Variants in ZNF44 observed in about 807,000 individuals in gnomAD.
ZNF44 encodes gonadotropin inducible transcription repressor-2.
ZNF44 carries 9 observed loss-of-function variants against 11.7 expected under a neutral mutation model. The ratio of observed to expected loss-of-function variants is 0.77; its 90% CI spans 0.46 to 1.35. ZNF44 has a LOEUF of 1.35. ZNF44 is among the 40% of genes most tolerant of loss of function. ZNF44 has a pLI of 0.00. For missense variants in ZNF44, 696 were observed against 743.1 expected (o/e 0.94, Z 0.74); for synonymous variants, 224 against 242.7 (o/e 0.92, Z 0.72).
intron 1 of ZNF44, chr19:12,293,185 T>C: frequency 6.6e-7 from 1 of 1,520,240 alleles, no homozygotes; most frequent in Non-Finnish European, 8.8e-7. Context: ...GTTAGCTTTT[T>C]ACAGGAATGA....
At chr19:12,294,600 T>G (rs1968167661) in intron 1 of ZNF44, 92 bp downstream of exon 1, 12 of 1,507,902 alleles carry the variant, frequency 8.0e-6, no homozygotes, top group Non-Finnish European at 1.1e-5. Flanking sequence ...CCAAAGACGC[T>G]GCGGCGAGGC....
intron 3 of ZNF44, among the ~76,000 whole-genome samples, chr19:12,230,232 A>T (rs549087823): frequency 6.6e-6 from 1 of 152,328 alleles, no homozygotes; most frequent in African/African-American, 2.4e-5. Flanking sequence ...TTTGGCACCC[A>T]TGTGGACTGG....
At chr19:12,293,367 A>T in intron 1 of ZNF44, 28 of 1,536,420 alleles carry the variant, frequency 1.8e-5, no homozygotes, top group Non-Finnish European at 2.4e-5. Context: ...AAGTTCCATA[A>T]CACAGGGCCT....
rs149525889 is a variant in ZNF44 at position 12,266,586 on chromosome 19, C to T, written c.1912+5901G>A. ...CACAGTGCAGAGAGGAGAGGTAAGGCAAGCGCCTGAGAGGGGCCAGAATGA... is the reference window on the plus strand; with the variant it reads ...CACAGTGCAGAGAGGAGAGGTAAGGTAAGCGCCTGAGAGGGGCCAGAATGA... On this transcript the variant is annotated intron_variant and NMD_transcript_variant, in intron 5 of 7. Transcript: ENST00000393337. Among the ~76,000 whole-genome samples, 627 of 152,268 alleles carry T rather than the reference C, an allele frequency of 4.1e-3. 1 individual carries two copies. Among genetic ancestry groups the T allele is most frequent in the Middle Eastern group, 0.01 (3 of 294 alleles).
downstream of ZNF44, among the ~76,000 whole-genome samples, chr19:12,271,061 A>ATGC (rs1158264234): frequency 1.3e-5 from 2 of 152,116 alleles, no homozygotes; most frequent in African/African-American, 4.8e-5. Flanking sequence ...GATGATGATG[A>ATGC]TGATGATGCT....
At chr19:12,270,172 C>A (rs1043111164), downstream of ZNF44, among the ~76,000 whole-genome samples, 2 of 151,980 alleles carry the variant, frequency 1.3e-5, no homozygotes, top group African/African-American at 4.8e-5. Flanking sequence ...TGATAAATAA[C>A]TAGGGTAAAA....
intron 1 of ZNF44, among the ~76,000 whole-genome samples, chr19:12,286,646 AAAG>A (rs1337242823): frequency 2.7e-5 from 4 of 149,500 alleles, no homozygotes; most frequent in African/African-American, 7.4e-5. Context: ...CAAAAAAAAG[AAAG>A]AAAGAAAACA....
chr19:12,261,109 G>C (rs1305104184), intron 5 of ZNF44, among the ~76,000 whole-genome samples: 1 of 152,156 alleles, frequency 6.6e-6, no homozygotes, highest in African/African-American at 2.4e-5. Flanking sequence ...AAAAAAGCAA[G>C]GAAGGGAACT....
chr19:12,267,375 C>T (rs979096588), downstream of ZNF44, among the ~76,000 whole-genome samples: 2 of 152,108 alleles, frequency 1.3e-5, no homozygotes, highest in African/African-American at 4.8e-5. Flanking sequence ...AAAATTAAAA[C>T]ACACCAACAA....
chr19:12,292,046 G>A (rs1968029926), intron 1 of ZNF44, among the ~76,000 whole-genome samples: 1 of 150,974 alleles, frequency 6.6e-6, no homozygotes, highest in South Asian at 2.1e-4. Flanking sequence ...AATGGAATAG[G>A]GCCTGGGTCC....
chr19:12,294,190 G>A (rs967849132), intron 1 of ZNF44, among the ~76,000 whole-genome samples: 5 of 152,176 alleles, frequency 3.3e-5, no homozygotes, highest in African/African-American at 7.2e-5. Context: ...GCAGAATGCG[G>A]TTTCTTCACC....
chr19:12,247,032 TA>T (rs1342548328), downstream of ZNF44, among the ~76,000 whole-genome samples: 1 of 151,136 alleles, frequency 6.6e-6, no homozygotes, highest in African/African-American at 2.4e-5. Flanking sequence ...TATACATATA[TA>T]AAAATATTTT....
At chr19:12,269,695 T>A (rs987345495), downstream of ZNF44, among the ~76,000 whole-genome samples, 3 of 152,200 alleles carry the variant, frequency 2.0e-5, no homozygotes, top group African/African-American at 7.2e-5. Context: ...ATTTCTTTGA[T>A]GATGCAAATT....
At chr19:12,232,705 T>C (rs1245094653) in intron 2 of ZNF44, among the ~76,000 whole-genome samples, 2 of 151,850 alleles carry the variant, frequency 1.3e-5, no homozygotes. Flanking sequence ...GAATTTTTCT[T>C]AGTACAGAAC....
chr19:12,269,184 T>C (rs1021377358), downstream of ZNF44, among the ~76,000 whole-genome samples: 1 of 152,218 alleles, frequency 6.6e-6, no homozygotes, highest in African/African-American at 2.4e-5. Context: ...TGGAAAATAC[T>C]GCTTTTATGT....
intron 1 of ZNF44, among the ~76,000 whole-genome samples, chr19:12,290,218 T>A (rs1045606558): frequency 6.1e-5 from 9 of 146,794 alleles, no homozygotes; most frequent in Non-Finnish European, 9.0e-5. Flanking sequence ...AAACCCCATC[T>A]CTACTAAAAA....
chr19:12,258,281 G>A lies in ZNF44; in HGVS notation c.1913-7913C>T, dbSNP rs1028681820. Reference sequence around the variant, plus strand: ...CAGATGTTGGAGGCTGCAGTGAGCTGTGATTGCATCACTGGATTCCAGCGT... The same window carrying A: ...CAGATGTTGGAGGCTGCAGTGAGCTATGATTGCATCACTGGATTCCAGCGT... On this transcript the variant is annotated intron_variant and NMD_transcript_variant, in intron 5 of 7. Transcript: ENST00000393337. Among the ~76,000 whole-genome samples the A allele has an allele frequency of 2.2e-5, 3 of 138,490 alleles. No individual in the cohort carries two copies. In the South Asian group the frequency reaches 7.2e-4, roughly 33 times the overall value. 90.9% of individuals were successfully genotyped at this position (138,490 alleles called of 152,430 possible).
chr19:12,256,164 C>A (rs188113474), intron 5 of ZNF44, among the ~76,000 whole-genome samples: 1 of 151,968 alleles, frequency 6.6e-6, no homozygotes, highest in East Asian at 1.9e-4. Context: ...GTGGGCCAAC[C>A]CGCAAGTCAC....
At chr19:12,268,722 T>G (rs1805424989), downstream of ZNF44, among the ~76,000 whole-genome samples, 1 of 151,166 alleles carries the variant, frequency 6.6e-6, no homozygotes, top group Admixed American at 6.6e-5. Context: ...TACAAGCACA[T>G]GTCAGCATGC....
Sources: gnomAD v4.1 joint callset for allele counts (sites outside exome capture counted in the v4.1 genomes callset) on GRCh38, gnomAD v4.1.1 for gene constraint, MANE v1.5 for transcripts, NCBI Gene and HGNC (gene_info 2026-07-23, HGNC 2026-07-21) for gene names.